Variants in CAMK2N2 observed in about 807,000 individuals in gnomAD.
CAMK2N2 encodes calcium/calmodulin-dependent protein kinase II inhibitor 2.
In CAMK2N2, 3 loss-of-function variants were observed where a neutral mutation model predicts 7.8. That is an observed-to-expected ratio of 0.38 (90% CI 0.18 to 0.99). The LOEUF (loss-of-function observed/expected upper bound fraction) is 0.99, where lower values mean the gene tolerates loss of function less well. Ranked by LOEUF, CAMK2N2 falls within the 50% of genes least tolerant of loss-of-function variation. CAMK2N2 has a pLI of 0.37. For missense variants in CAMK2N2, 85 were observed against 108.4 expected (o/e 0.78, Z 0.96); for synonymous variants, 45 against 46.6 (o/e 0.97, Z 0.14).
In CAMK2N2 at chr3:184,260,965, A is replaced by T; in HGVS notation, c.169+152T>A. The T allele has an allele frequency of 1.3e-6, 1 of 787,620 alleles. No homozygotes were observed. Among genetic ancestry groups the T allele is most frequent in the Non-Finnish European group, 1.9e-6 (1 of 529,786 alleles). 48.8% of individuals were successfully genotyped at this position (787,620 alleles called of 1,614,324 possible). The stretch of plus-strand genomic sequence containing the variant: ...AAGGGAAGAGGGGGACACACACTGC[A>T]GCGGGGACCCCCCCCTCCAGCCCGG... On this transcript the variant is annotated intron_variant, in intron 1 of 1. Transcript: ENST00000296238. This position sits in a 1 kb window ranked among gnomAD's most constrained non-coding sequence, Gnocchi z 6.6.
rs1050674207 is a variant in CAMK2N2 at position 184,259,335 on chromosome 3, G to A, written c.*822C>T. The A allele has an allele frequency of 1.3e-4, 20 of 152,752 alleles. No homozygotes were observed. 9.5% of individuals were successfully genotyped at this position (152,752 alleles called of 1,614,324 possible). ...CACAGATGTCATCCAAAGGTTCAGAGCAGTCCCCATTTGGGTTCCCAGGGG... is the reference window on the plus strand; with the variant it reads ...CACAGATGTCATCCAAAGGTTCAGAACAGTCCCCATTTGGGTTCCCAGGGG... On this transcript the variant is annotated 3_prime_UTR_variant, in exon 2 of 2. Transcript: ENST00000296238.
Position 184,261,071 on chromosome 3 carries a change from G to A in CAMK2N2, c.169+46C>T. ...GAACGGCAGCCGGGGGGCGCCCGGCGGAGGGTTTCTGGGTCAGGCGGCGAC... is the reference window on the plus strand; with the variant it reads ...GAACGGCAGCCGGGGGGCGCCCGGCAGAGGGTTTCTGGGTCAGGCGGCGAC... On this transcript the variant is annotated intron_variant, in intron 1 of 1. Transcript: ENST00000296238. This position sits in a 1 kb window ranked among gnomAD's most constrained non-coding sequence, Gnocchi z 5.1. 1.3e-6 allele frequency: 2 copies of A among 1,538,960 alleles called. No homozygotes were observed. Among genetic ancestry groups the A allele is most frequent in the Middle Eastern group, 2.2e-4 (1 of 4,632 alleles).
Position 184,260,239 on chromosome 3 carries a change from G to C in CAMK2N2, c.170-12C>G. On this transcript the variant is annotated splice_polypyrimidine_tract_variant and intron_variant, in intron 1 of 1. Transcript: ENST00000296238. The surrounding 1 kb of genome is among the most constrained non-coding windows in gnomAD (Gnocchi z 6.6). ...ATCCTCGATCACCACTGCGCAGGGA[G>C]AAAGCGCGTCAGCCGCGCGGCCTCG... is the stretch of plus-strand genomic sequence containing the variant. 1 of 1,608,910 alleles carries C rather than the reference G, an allele frequency of 6.2e-7. No individual in the cohort carries two copies. The highest frequency in any genetic ancestry group is 8.5e-7 in the Non-Finnish European group (1 of 1,177,564).
chr3:184,260,170 G>C lies in CAMK2N2; in HGVS notation c.227C>G (p.Pro76Arg). The C allele has an allele frequency of 1.2e-6, 2 of 1,601,330 alleles. No homozygotes were observed. Among genetic ancestry groups the C allele is most frequent in the Admixed American group, 1.7e-5 (1 of 59,412 alleles). Residue 76 changes from proline to arginine, a missense_variant, in exon 2 of 2, where the codon CCG becomes CGG. By Grantham distance (103) the Pro-to-Arg change is moderately radical (BLOSUM62 -2). Coordinates refer to ENST00000296238, the MANE Select transcript of CAMK2N2 (RefSeq NM_033259.3). This position sits in a 1 kb window ranked among gnomAD's most constrained non-coding sequence, Gnocchi z 6.6. ...DVLKGMGEKP[P>R]SGV ...GAGCCGGCGCGTCTACACTCCGGACGGCGGCTTCTCCCCCATCCCCTTCAG... is the reference window on the plus strand; with the variant it reads ...GAGCCGGCGCGTCTACACTCCGGACCGCGGCTTCTCCCCCATCCCCTTCAG...
Position 184,260,165 on chromosome 3 carries a change from C to T in CAMK2N2, c.232G>A (p.Gly78Arg). The T allele has an allele frequency of 3.7e-6, 6 of 1,600,418 alleles. No individual in the cohort carries two copies. Among genetic ancestry groups the T allele is most frequent in the South Asian group, 1.1e-5 (1 of 90,274 alleles). Residue 78 changes from glycine (G) to arginine (R), a missense_variant, in exon 2 of 2, where the codon GGA becomes AGA. Gly to Arg is a moderately radical substitution (Grantham distance 125). Coordinates refer to ENST00000296238, the MANE Select transcript of CAMK2N2 (RefSeq NM_033259.3). The surrounding 1 kb of genome is among the most constrained non-coding windows in gnomAD (Gnocchi z 6.6). The stretch of plus-strand genomic sequence containing the variant: ...CGCCCGAGCCGGCGCGTCTACACTC[C>T]GGACGGCGGCTTCTCCCCCATCCCC... ...LKGMGEKPPS[G>R]V
At position 184,259,475 on chromosome 3, in the gene CAMK2N2, A is replaced by G. The variant is rs1719949615; in HGVS notation, c.*682T>C. ...GGGGTCAGGCCTGGGCAGACTGGCCATGTGGTTGGTAACCGTGTCGGGGGC... is the reference window on the plus strand; with the variant it reads ...GGGGTCAGGCCTGGGCAGACTGGCCGTGTGGTTGGTAACCGTGTCGGGGGC... On this transcript the variant is annotated 3_prime_UTR_variant, in exon 2 of 2. Coordinates refer to ENST00000296238, the MANE Select transcript of CAMK2N2 (RefSeq NM_033259.3). 1 of 152,684 alleles carries G rather than the reference A, an allele frequency of 6.5e-6. No homozygotes were observed. The highest frequency in any genetic ancestry group is 2.4e-5 in the African/African-American group (1 of 41,436). 9.5% of individuals were successfully genotyped at this position (152,684 alleles called of 1,614,324 possible).
Position 184,260,308 on chromosome 3 carries a change from G to T in CAMK2N2, c.170-81C>A. 1 of 1,368,304 alleles carries T rather than the reference G, an allele frequency of 7.3e-7. No homozygotes were observed. The allele number at this position is 1,368,304 out of a possible 1,614,324, so 84.8% of individuals were successfully genotyped here. On this transcript the variant is annotated intron_variant, in intron 1 of 1. Coordinates refer to ENST00000296238, the MANE Select transcript of CAMK2N2 (RefSeq NM_033259.3). The surrounding 1 kb of genome is among the most constrained non-coding windows in gnomAD (Gnocchi z 6.6). ...AATGAGCCCCGCGTCCTAGCTTCCC[G>T]CGCAGCTACTGCCCGTGGCCCAGCG...
rs1720017958 is a variant in CAMK2N2, at chr3:184,260,827, C to T, written c.169+290G>A. 6.6e-6 allele frequency among the ~76,000 whole-genome samples: 1 copy of T among 152,222 alleles called. No homozygotes were observed. The highest frequency in any genetic ancestry group is 2.4e-5 in the African/African-American group (1 of 41,464). ...AGAATCAGCCCGTTACCCCGTGCTCCCACTTCCGTGCAGCCCCAAATGCCC... is the reference window on the plus strand; with the variant it reads ...AGAATCAGCCCGTTACCCCGTGCTCTCACTTCCGTGCAGCCCCAAATGCCC... On this transcript the variant is annotated intron_variant, in intron 1 of 1. Transcript: ENST00000296238. The surrounding 1 kb of genome is among the most constrained non-coding windows in gnomAD (Gnocchi z 6.6).
Position 184,260,171 on chromosome 3 carries a change from G to A in CAMK2N2, c.226C>T (p.Pro76Ser). The A allele has an allele frequency of 6.2e-7, 1 of 1,602,720 alleles. No individual in the cohort carries two copies. Among genetic ancestry groups the A allele is most frequent in the Non-Finnish European group, 8.5e-7 (1 of 1,174,146 alleles). Residue 76 changes from proline to serine, a missense_variant, in exon 2 of 2, where the codon CCG (proline) becomes TCG (serine). By Grantham distance (74) the Pro-to-Ser change is moderately conservative. Coordinates refer to ENST00000296238, the MANE Select transcript of CAMK2N2 (RefSeq NM_033259.3). This position sits in a 1 kb window ranked among gnomAD's most constrained non-coding sequence, Gnocchi z 6.6. ...DVLKGMGEKP[P>S]SGV ...AGCCGGCGCGTCTACACTCCGGACG[G>A]CGGCTTCTCCCCCATCCCCTTCAGC...
Position 184,259,223 on chromosome 3 carries a change from G to C in CAMK2N2, c.*934C>G, listed in dbSNP as rs1719941398. ...CAGCGGCCACACACACACAGAGGGG[G>C]TCTGTGTTTATTCACACACTCCTGG... On this transcript the variant is annotated 3_prime_UTR_variant, in exon 2 of 2. Coordinates refer to ENST00000296238, the MANE Select transcript of CAMK2N2 (RefSeq NM_033259.3). 1 of 152,708 alleles carries C rather than the reference G, an allele frequency of 6.5e-6. No homozygotes were observed. The highest frequency in any genetic ancestry group is 2.4e-5 in the African/African-American group (1 of 41,458). The allele number at this position is 152,708 out of a possible 1,614,324, so 9.5% of individuals were successfully genotyped here. A position where few individuals can be genotyped will look rare whatever the true frequency, so the allele number is the denominator to read the frequency against.
In CAMK2N2 at chr3:184,261,256, G is replaced by C. The variant is rs1467160797; in HGVS notation, c.30C>G (p.Asp10Glu). The change falls in exon 1 of 2, where the codon GAC (aspartate) becomes GAG (glutamate). Residue 10 changes from aspartate (D) to glutamate (E), a missense_variant. Transcript: ENST00000296238. This position sits in a 1 kb window ranked among gnomAD's most constrained non-coding sequence, Gnocchi z 5.1. The part of the protein sequence containing the change: MSEILPYSE[D>E]KMGRFGADPE... ...GGTCTGCGCCGAAGCGGCCCATCTT[G>C]TCTTCGCTGTAGGGCAGGATCTCGG... The C allele has an allele frequency of 8.8e-6, 14 of 1,596,408 alleles. No individual in the cohort carries two copies. The highest frequency in any genetic ancestry group is 1.0e-5 in the Non-Finnish European group (12 of 1,173,956).
In CAMK2N2 at chr3:184,261,110, C is replaced by T; in HGVS notation, c.169+7G>A. ...TCAGGCGGCGACTCCGGGCCCGGGC[C>T]GCGTACCTCGCTTGGCTCGGCCGAT... On this transcript the variant is annotated splice_region_variant and intron_variant, in intron 1 of 1. Coordinates refer to ENST00000296238, the MANE Select transcript of CAMK2N2 (RefSeq NM_033259.3). This position sits in a 1 kb window ranked among gnomAD's most constrained non-coding sequence, Gnocchi z 5.1. The T allele has an allele frequency of 6.3e-7, 1 of 1,594,648 alleles. No homozygotes were observed. The highest frequency in any genetic ancestry group is 8.5e-7 in the Non-Finnish European group (1 of 1,173,152).
rs2108454413 is a variant in CAMK2N2, at chr3:184,261,181, G to T, written c.105C>A (p.Ser35=). 1.2e-6 allele frequency: 2 copies of T among 1,608,652 alleles called. No individual in the cohort carries two copies. Among genetic ancestry groups the T allele is most frequent in the East Asian group, 2.3e-5 (1 of 44,094 alleles). Residue 35 remains serine, a synonymous_variant, in exon 1 of 2, where the codon TCC becomes TCA. Transcript: ENST00000296238. The surrounding 1 kb of genome is among the most constrained non-coding windows in gnomAD (Gnocchi z 5.1). ...SFSCRLQDTN[S]FFAGNQAKRP... Reference sequence around the variant, plus strand: ...GCTTGGCCTGGTTGCCCGCGAAGAAGGAGTTGGTGTCCTGCAGGCGGCAGC... The same window carrying T: ...GCTTGGCCTGGTTGCCCGCGAAGAATGAGTTGGTGTCCTGCAGGCGGCAGC...
In CAMK2N2 at chr3:184,260,824, C is replaced by A. The variant is rs971738238; in HGVS notation, c.169+293G>T. On this transcript the variant is annotated intron_variant, in intron 1 of 1. Transcript: ENST00000296238. This position sits in a 1 kb window ranked among gnomAD's most constrained non-coding sequence, Gnocchi z 6.6. ...CAAAGAATCAGCCCGTTACCCCGTG[C>A]TCCCACTTCCGTGCAGCCCCAAATG... Among the ~76,000 whole-genome samples, 1 of 152,232 alleles carries A rather than the reference C, an allele frequency of 6.6e-6. No individual in the cohort carries two copies. Among genetic ancestry groups the A allele is most frequent in the Non-Finnish European group, 1.5e-5 (1 of 68,046 alleles).
chr3:184,260,082 G>C lies in CAMK2N2; in HGVS notation c.*75C>G. The C allele has an allele frequency of 1.2e-6, 1 of 859,652 alleles. No individual in the cohort carries two copies. The highest frequency in any genetic ancestry group is 5.0e-4 in the Middle Eastern group (1 of 1,984). 53.3% of individuals were successfully genotyped at this position (859,652 alleles called of 1,614,324 possible). On this transcript the variant is annotated 3_prime_UTR_variant, in exon 2 of 2. Coordinates refer to ENST00000296238, the MANE Select transcript of CAMK2N2 (RefSeq NM_033259.3). The surrounding 1 kb of genome is among the most constrained non-coding windows in gnomAD (Gnocchi z 6.6). The stretch of plus-strand genomic sequence containing the variant: ...GCCTGGGCCGGGGCGGGGGGGCGCC[G>C]GCAGCCGCATCGCCGGCCCGCGCTC...
chr3:184,261,241 G>A lies in CAMK2N2; in HGVS notation c.45C>T (p.Phe15=), dbSNP rs1720035890. ...LPYSEDKMGR[F]GADPEGSDLS... Reference sequence around the variant, plus strand: ...GGTCGGAGCCCTCGGGGTCTGCGCCGAAGCGGCCCATCTTGTCTTCGCTGT... The same window carrying A: ...GGTCGGAGCCCTCGGGGTCTGCGCCAAAGCGGCCCATCTTGTCTTCGCTGT... Residue 15 remains phenylalanine (F), a synonymous_variant, in exon 1 of 2, where the codon TTC becomes TTT. Transcript: ENST00000296238. The surrounding 1 kb of genome is among the most constrained non-coding windows in gnomAD (Gnocchi z 5.1). The A allele has an allele frequency of 6.2e-7, 1 of 1,600,368 alleles. No homozygotes were observed. The highest frequency in any genetic ancestry group is 1.7e-5 in the Admixed American group (1 of 59,062).
rs975404764 is a variant in CAMK2N2, at chr3:184,260,710, G to A, written c.169+407C>T. Among the ~76,000 whole-genome samples, 5 of 152,140 alleles carry A rather than the reference G, an allele frequency of 3.3e-5. No homozygotes were observed. Among genetic ancestry groups the A allele is most frequent in the African/African-American group, 1.2e-4 (5 of 41,412 alleles). Reference sequence around the variant, plus strand: ...CTCCCCATGCAAACAACCAAGACAAGCGGACCCCCGGCCTCCTGCCCTCTC... The same window carrying A: ...CTCCCCATGCAAACAACCAAGACAAACGGACCCCCGGCCTCCTGCCCTCTC... On this transcript the variant is annotated intron_variant, in intron 1 of 1. Transcript: ENST00000296238. The surrounding 1 kb of genome is among the most constrained non-coding windows in gnomAD (Gnocchi z 6.6).
Position 184,260,997 on chromosome 3 carries a change from G to T in CAMK2N2, c.169+120C>A. On this transcript the variant is annotated intron_variant, in intron 1 of 1. Transcript: ENST00000296238. The surrounding 1 kb of genome is among the most constrained non-coding windows in gnomAD (Gnocchi z 6.6). ...ACCCCCCCCTCCAGCCCGGGCTGGA[G>T]AGCGGCTGGTGCGCTGGTCTGCGGC... 1 of 1,082,048 alleles carries T rather than the reference G, an allele frequency of 9.2e-7. No homozygotes were observed. The highest frequency in any genetic ancestry group is 1.3e-6 in the Non-Finnish European group (1 of 796,836). The allele number at this position is 1,082,048 out of a possible 1,614,324, so 67.0% of individuals were successfully genotyped here.
Position 184,260,861 on chromosome 3 carries a change from C to T in CAMK2N2, c.169+256G>A, listed in dbSNP as rs1170105163. Reference sequence around the variant, plus strand: ...TGCAGCCCCAAATGCCCCGACCGGCCCCTCCCCCTCGCCCGGGTGCCAGGG... The same window carrying T: ...TGCAGCCCCAAATGCCCCGACCGGCTCCTCCCCCTCGCCCGGGTGCCAGGG... On this transcript the variant is annotated intron_variant, in intron 1 of 1. Transcript: ENST00000296238. This position sits in a 1 kb window ranked among gnomAD's most constrained non-coding sequence, Gnocchi z 6.6. 6.6e-6 allele frequency among the ~76,000 whole-genome samples: 1 copy of T among 152,252 alleles called. No individual in the cohort carries two copies. Among genetic ancestry groups the T allele is most frequent in the East Asian group, 1.9e-4 (1 of 5,190 alleles).
Sources: gnomAD v4.1 joint callset for allele counts (sites outside exome capture counted in the v4.1 genomes callset) on GRCh38, gnomAD v4.1.1 for gene constraint, Gnocchi (gnomAD v3.1) non-coding constraint, MANE v1.5 for transcripts, NCBI Gene and HGNC (gene_info 2026-07-23, HGNC 2026-07-21) for gene names.